The following TRPM1 variants were observed in gnomAD, a reference collection of about 807,000 sequenced individuals.
TRPM1 encodes the protein transient receptor potential cation channel subfamily M member 1, also known as TRPM1-203 APA Isoform, Intron 10.
TRPM1 carries 113 observed loss-of-function variants against 149.4 expected under a neutral mutation model. The ratio of observed to expected loss-of-function variants is 0.76; its 90% CI spans 0.65 to 0.88. TRPM1 has a LOEUF of 0.88. TRPM1 is among the 40% of genes least tolerant of loss of function. TRPM1 has a pLI of 0.00. For missense variants in TRPM1, 1,976 were observed against 2,038.7 expected, an observed-to-expected ratio of 0.97 and a Z score of 0.59; for synonymous variants, 741 against 759.5, an observed-to-expected ratio of 0.98 and a Z score of 0.40.
chr15:31,117,655 A>C lies in TRPM1; in HGVS notation c.55-40671T>G, dbSNP rs2035818178. On this transcript the variant is annotated intron_variant, in intron 1 of 26. Transcript: ENST00000542188. The stretch of plus-strand genomic sequence containing the variant: ...AGAGTGAGATTCTGTCTCAAAGAAA[A>C]AAAAAAAAATACACACACACACACA... 3.9e-5 allele frequency among the ~76,000 whole-genome samples: 4 copies of C among 103,558 alleles called. 1 individual carries two copies. In the South Asian group the frequency reaches 1.4e-3, roughly 36 times the overall value. The allele number at this position is 103,558 out of a possible 152,430, so 67.9% of individuals were successfully genotyped here. A position where few individuals can be genotyped will look rare whatever the true frequency, so the allele number is the denominator to read the frequency against.
chr15:31,160,722 A>G (rs1254695403), intron 1 of TRPM1, among the ~76,000 whole-genome samples: 1 of 152,192 alleles, frequency 6.6e-6, no homozygotes, highest in Non-Finnish European at 1.5e-5. Context: ...CAGGAAACAT[A>G]GGGCACCTTC....
chr15:31,108,363 C>G (rs748060947), intron 1 of TRPM1, among the ~76,000 whole-genome samples: 10 of 152,118 alleles, frequency 6.6e-5, no homozygotes, highest in Non-Finnish European at 1.5e-4. Context: ...TCTGTTAGGT[C>G]AATGTAGTTT....
At chr15:31,030,100 TAGAA>T (rs1199331728) in intron 23 of TRPM1, among the ~76,000 whole-genome samples, 1 of 152,224 alleles carries the variant, frequency 6.6e-6, no homozygotes. Context: ...TTATAAAAGT[TAGAA>T]AGAAGCTACT....
chr15:31,158,891 G>T (rs1202863355), intron 1 of TRPM1, among the ~76,000 whole-genome samples: 2 of 152,024 alleles, frequency 1.3e-5, no homozygotes, highest in Non-Finnish European at 2.9e-5. Context: ...CAGATATCTG[G>T]ACACTCCCAA....
chr15:31,013,713 T>C (rs866927065), intron 27 of TRPM1, among the ~76,000 whole-genome samples: 2 of 152,160 alleles, frequency 1.3e-5, no homozygotes, highest in South Asian at 4.1e-4. Flanking sequence ...TTAGTGTAGT[T>C]GTTGTTTGTT....
intron 1 of TRPM1, among the ~76,000 whole-genome samples, chr15:31,081,775 G>C (rs936779204): frequency 6.6e-6 from 1 of 152,162 alleles, no homozygotes. Flanking sequence ...CAACCTCCCG[G>C]TGGAGCAGTG....
chr15:31,148,435 T>C (rs1399532965), intron 1 of TRPM1, among the ~76,000 whole-genome samples: 1 of 152,196 alleles, frequency 6.6e-6, no homozygotes, highest in African/African-American at 2.4e-5. Context: ...CGCTCCATCC[T>C]GATTATGTAA....
intron 1 of TRPM1, among the ~76,000 whole-genome samples, chr15:31,125,286 G>A (rs553516282): frequency 2.0e-5 from 3 of 152,148 alleles, no homozygotes; most frequent in Non-Finnish European, 2.9e-5. Flanking sequence ...CAATATTGGC[G>A]CATCAGTTAG....
At chr15:31,105,464 TGTGTGTGTGC>T (rs1319089607), upstream of TRPM1, among the ~76,000 whole-genome samples, 1,109 of 73,822 alleles carry the variant, frequency 0.015, 14 homozygotes, top group African/African-American at 0.045. Flanking sequence ...TGTGTGTGTG[TGTGTGTGTGC>T]GCGCGCGCGC....
intron 1 of TRPM1, among the ~76,000 whole-genome samples, chr15:31,118,734 T>C (rs2035836270): frequency 6.6e-6 from 1 of 152,158 alleles, no homozygotes; most frequent in Non-Finnish European, 1.5e-5. Flanking sequence ...CAGCTTCTCA[T>C]TGTATCCTCA....
At chr15:31,146,807 A>G (rs773865385) in intron 1 of TRPM1, among the ~76,000 whole-genome samples, 5 of 152,174 alleles carry the variant, frequency 3.3e-5, no homozygotes, top group African/African-American at 9.7e-5. Context: ...ACCAACATGC[A>G]GAAACCCCAT....
intron 12 of TRPM1, 114 bp from the exon 13 acceptor site, chr15:31,049,623 C>T: frequency 8.6e-7 from 1 of 1,162,466 alleles, no homozygotes; most frequent in South Asian, 1.2e-5. Context: ...CAGAGCACTC[C>T]AGCATGGTAC....
At chr15:31,098,543 G>A (rs1235371855) in intron 1 of TRPM1, among the ~76,000 whole-genome samples, 1 of 152,108 alleles carries the variant, frequency 6.6e-6, no homozygotes, top group Non-Finnish European at 1.5e-5. Context: ...CTTCTGTGGG[G>A]TTTTCCAACT....
Position 31,124,654 on chromosome 15 carries a change from C to CA in TRPM1, c.54+36251dup, listed in dbSNP as rs57964365. On this transcript the variant is annotated intron_variant, in intron 1 of 26. Coordinates refer to the TRPM1 transcript ENST00000542188. Reference sequence around the variant, plus strand: ...GGATGACAGAGTTAAGACTCTGTCTCAAAAAAAAAAAAAAAAAAAAGTCAA... The same window carrying CA: ...GGATGACAGAGTTAAGACTCTGTCTCAAAAAAAAAAAAAAAAAAAAAGTCAA... 3.2e-3 allele frequency among the ~76,000 whole-genome samples: 279 copies of CA among 86,268 alleles called. 3 individuals carry two copies. The highest frequency in any genetic ancestry group is 9.0e-3 in the East Asian group (16 of 1,784). The allele number at this position is 86,268 out of a possible 152,430, so 56.6% of individuals were successfully genotyped here.
intron 1 of TRPM1, among the ~76,000 whole-genome samples, chr15:31,120,659 C>T (rs555918334): frequency 6.6e-6 from 1 of 151,602 alleles, no homozygotes; most frequent in African/African-American, 2.4e-5. Flanking sequence ...AGACAAAACA[C>T]ACCCCAGCAA....
rs753906249 is a variant in TRPM1, at chr15:31,076,959, G to T, written c.29C>A (p.Thr10Asn). The stretch of plus-strand genomic sequence containing the variant: ...AAAGATACATTCCCGTTTGCAAAAG[G>T]TTTTCTCTATCCAAGATTTCTGACC... MGQKSWIEK[T>N]FCKRECIFVI... Residue 10 changes from threonine to asparagine, a missense_variant, in exon 3 of 28, where the codon ACC becomes AAC. Coordinates refer to ENST00000256552, the MANE Select transcript of TRPM1 (RefSeq NM_001252024.2). The T allele has an allele frequency of 1.9e-6, 3 of 1,612,512 alleles. No individual in the cohort carries two copies. The South Asian group carries it at 3.3e-5, about 18-fold the overall frequency.
At chr15:31,005,462 C>T (rs1319061673) in intron 27 of TRPM1, among the ~76,000 whole-genome samples, 1 of 152,062 alleles carries the variant, frequency 6.6e-6, no homozygotes, top group African/African-American at 2.4e-5. Context: ...CACTTCTCTC[C>T]TCTCCCCTCC....
chr15:31,069,772 G>T (rs2034479974), intron 4 of TRPM1: 12 of 1,451,104 alleles, frequency 8.3e-6, no homozygotes, highest in Middle Eastern at 2.3e-4. Flanking sequence ...GCAGGGTTGG[G>T]CCAGAGCCTG....
chr15:31,102,041 T>C (rs1177315788), upstream of TRPM1, among the ~76,000 whole-genome samples: 1 of 152,218 alleles, frequency 6.6e-6, no homozygotes. Context: ...CAATTGGACA[T>C]AATGGTTCTT....
Sources: gnomAD v4.1 joint callset for allele counts (sites outside exome capture counted in the v4.1 genomes callset) on GRCh38, gnomAD v4.1.1 for gene constraint, MANE v1.5 for transcripts, NCBI Gene and HGNC (gene_info 2026-07-23, HGNC 2026-07-21) for gene names.